PARPBP: variants seen among roughly 807,000 people sequenced by gnomAD.
PARPBP encodes PCNA-interacting partner.
Under a neutral mutation model 50.0 loss-of-function variants are expected in PARPBP, and 52 were observed. The ratio of observed to expected loss-of-function variants is 1.04; its 90% CI spans 0.83 to 1.31. PARPBP has a LOEUF of 1.31. Ranked by LOEUF, PARPBP falls within the 50% of genes most tolerant of loss-of-function variation. The probability of loss-of-function intolerance (pLI) is 0.00; values close to 1 mark genes in which losing one functional copy is unlikely to be tolerated. For synonymous variants in PARPBP, 244 were observed against 232.1 expected (o/e 1.05, Z -0.47); for missense variants, 697 against 672.0 (o/e 1.04, Z -0.41).
At chr12:102,163,059 G>A (rs796345098) in intron 4 of PARPBP, among the ~76,000 whole-genome samples, 2 of 152,298 alleles carry the variant, frequency 1.3e-5, no homozygotes, top group East Asian at 3.9e-4. Context: ...TGAAGTTCAT[G>A]TGTTTTGCAT....
At chr12:102,150,358 A>C in intron 3 of PARPBP, 1 of 433,500 alleles carries the variant, frequency 2.3e-6, no homozygotes, top group South Asian at 1.7e-5. Context: ...TTTTTGCTGA[A>C]AGTCTCTTTC....
intron 8 of PARPBP, among the ~76,000 whole-genome samples, chr12:102,180,584 T>G (rs1889729257): frequency 3.3e-5 from 5 of 152,182 alleles, no homozygotes; most frequent in Non-Finnish European, 7.4e-5. Flanking sequence ...ATGCTTGTAG[T>G]ACCAGCTACT....
intron 9 of PARPBP, among the ~76,000 whole-genome samples, chr12:102,189,126 T>C (rs1890568454): frequency 6.6e-6 from 1 of 152,170 alleles, no homozygotes; most frequent in Admixed American, 6.5e-5. Context: ...GAAGATACAT[T>C]GGTCATAATT....
Position 102,191,754 on chromosome 12 carries a change from G to A in PARPBP, c.1264-3558G>A, listed in dbSNP as rs543976784. 4.6e-5 allele frequency among the ~76,000 whole-genome samples: 7 copies of A among 152,206 alleles called. No homozygotes were observed. The East Asian group carries it at 1.3e-3, about 29-fold the overall frequency. ...TGAAGTTCATTGCAATTATGCTGTG[G>A]ATAGAAATATTTCCAAAGGGAGGAA... is the stretch of plus-strand genomic sequence containing the variant. On this transcript the variant is annotated intron_variant, in intron 9 of 10. Coordinates refer to ENST00000327680, the MANE Select transcript of PARPBP (RefSeq NM_017915.5).
chr12:102,195,282 G>C, intron 9 of PARPBP, 30 bp from the exon 10 acceptor site: 1 of 1,341,646 alleles, frequency 7.5e-7, no homozygotes, highest in Non-Finnish European at 1.0e-6. Context: ...GAATAAATTT[G>C]CATATTTTCT....
At chr12:102,177,330 C>T (rs1358449227) in intron 7 of PARPBP, among the ~76,000 whole-genome samples, 1 of 152,060 alleles carries the variant, frequency 6.6e-6, no homozygotes, top group Non-Finnish European at 1.5e-5. Flanking sequence ...GTCCAGCAAC[C>T]CTCTGGGTTA....
At position 102,178,728 on chromosome 12, in the gene PARPBP, A is replaced by G; in HGVS notation, c.1142A>G (p.Asn381Ser). ...NKAELLYDEE[N>S]TIHHHGTSIL... ...GCAGAGCTTTTATATGATGAGGAAA[A>G]CACAATCCATCATCATGGAACGTCT... is the stretch of plus-strand genomic sequence containing the variant. The change falls in exon 8 of 11, where the codon AAC (asparagine) becomes AGC (serine). Residue 381 changes from asparagine to serine, a missense_variant. Physicochemically the swap from Asn to Ser is conservative, Grantham distance 46. Coordinates refer to ENST00000327680, the MANE Select transcript of PARPBP (RefSeq NM_017915.5). The G allele has an allele frequency of 6.2e-7, 1 of 1,612,944 alleles. No homozygotes were observed. Among genetic ancestry groups the G allele is most frequent in the Non-Finnish European group, 8.5e-7 (1 of 1,179,396 alleles).
At chr12:102,127,401 GA>G (rs951875863) in intron 2 of PARPBP, among the ~76,000 whole-genome samples, 116 of 126,552 alleles carry the variant, frequency 9.2e-4, no homozygotes, top group Middle Eastern at 4.1e-3. Context: ...CTCAAAAAAA[GA>G]AAAAAAAAAA....
chr12:102,134,760 C>G (rs887612904), intron 2 of PARPBP, among the ~76,000 whole-genome samples: 2 of 152,164 alleles, frequency 1.3e-5, no homozygotes, highest in Non-Finnish European at 2.9e-5. Flanking sequence ...TCACTGCAAC[C>G]TCGACCTCCC....
chr12:102,143,314 C>T (rs1236048957), intron 2 of PARPBP, among the ~76,000 whole-genome samples: 5 of 152,294 alleles, frequency 3.3e-5, no homozygotes, highest in South Asian at 2.1e-4. Context: ...GCTGGTGTGC[C>T]GTTTGCTAAG....
rs1411635590 is a variant in PARPBP, at chr12:102,164,472, A to G, written c.530A>G (p.Tyr177Cys). Residue 177 changes from tyrosine (Y) to cysteine (C), a missense_variant, in exon 5 of 11, where the codon TAT becomes TGT. By Grantham distance (194) the Tyr-to-Cys change is radical. Transcript: ENST00000327680. ...QLLARKIIFS[Y>C]LNLLVNSKND... ...CTAGCAAGGAAAATTATCTTTTCAT[A>G]TTTAAATCTGCTAGTGAATTCAAAG... 10 of 1,612,936 alleles carry G rather than the reference A, an allele frequency of 6.2e-6. No individual in the cohort carries two copies. In the South Asian group the frequency reaches 1.1e-4, roughly 18 times the overall value.
rs372477847 is a variant in PARPBP, at chr12:102,165,729, G to A, written c.667G>A (p.Val223Met). 2 of 1,599,904 alleles carry A rather than the reference G, an allele frequency of 1.3e-6. No homozygotes were observed. The highest frequency in any genetic ancestry group is 2.7e-5 in the African/African-American group (2 of 74,248). Residue 223 changes from valine to methionine, a missense_variant and splice_region_variant, in exon 6 of 11, where the codon GTG (valine) becomes ATG (methionine). Val to Met is a conservative substitution (Grantham distance 21). Transcript: ENST00000327680. ...AREKQMSIFL[V>M]ATSFIRTIEL... is the part of the protein sequence containing the mutation. ...CTTATCCGTTTGTTTTAATTCATAG[G>A]TGGCCACGTCTTTTATTAGAACAAT...
At chr12:102,187,229 G>A (rs1472886230) in intron 9 of PARPBP, among the ~76,000 whole-genome samples, 1 of 152,120 alleles carries the variant, frequency 6.6e-6, no homozygotes, top group Non-Finnish European at 1.5e-5. Context: ...GAGTGAAGAG[G>A]CATAGAATGA....
chr12:102,175,626 G>A lies in PARPBP; in HGVS notation c.965G>A (p.Gly322Asp), dbSNP rs1889190172. The change falls in exon 7 of 11, where the codon GGT (glycine) becomes GAT (aspartate). Residue 322 changes from glycine to aspartate, a missense_variant. Coordinates refer to ENST00000327680, the MANE Select transcript of PARPBP (RefSeq NM_017915.5). ...AAAAATATTATCAATTCTCAAGAAG[G>A]TGTTGTAGCTCTTAGCACCACTGAC... ...RIKNIINSQE[G>D]VVALSTTDIS... 11 of 1,613,562 alleles carry A rather than the reference G, an allele frequency of 6.8e-6. No individual in the cohort carries two copies. Among genetic ancestry groups the A allele is most frequent in the Non-Finnish European group, 9.3e-6 (11 of 1,179,582 alleles).
At chr12:102,142,648 A>C (rs7974107) in intron 2 of PARPBP, among the ~76,000 whole-genome samples, 39,587 of 151,974 alleles carry the variant, frequency 0.26, 5,306 homozygotes, top group East Asian at 0.42. Flanking sequence ...TCTTTGATGA[A>C]GGTGACGTAC....
chr12:102,157,717 G>C (rs1003469945), intron 4 of PARPBP, among the ~76,000 whole-genome samples: 2 of 152,168 alleles, frequency 1.3e-5, no homozygotes, highest in African/African-American at 4.8e-5. Flanking sequence ...TCTGTGAGGT[G>C]ACACTTTGGC....
intron 2 of PARPBP, among the ~76,000 whole-genome samples, chr12:102,146,840 G>C (rs1374485418): frequency 6.6e-6 from 1 of 152,154 alleles, no homozygotes; most frequent in Non-Finnish European, 1.5e-5. Flanking sequence ...CTAATATCCA[G>C]AGTCTACAAT....
At chr12:102,120,586 C>T in intron 1 of PARPBP, 1 of 438,368 alleles carries the variant, frequency 2.3e-6, no homozygotes, top group Non-Finnish European at 4.6e-6. Context: ...GTTCTAGTCC[C>T]ACTATGTACA....
intron 3 of PARPBP, chr12:102,150,249 T>A (rs901677951): frequency 2.2e-6 from 1 of 455,348 alleles, no homozygotes; most frequent in Non-Finnish European, 4.4e-6. Flanking sequence ...TCTCTGATAC[T>A]ATTGTTTGTT....
Sources: gnomAD v4.1 joint callset for allele counts (sites outside exome capture counted in the v4.1 genomes callset) on GRCh38, gnomAD v4.1.1 for gene constraint, MANE v1.5 for transcripts, NCBI Gene and HGNC (gene_info 2026-07-23, HGNC 2026-07-21) for gene names.